Variants in SEC22A observed in about 807,000 individuals in gnomAD.
SEC22A encodes SEC22 homolog A, vesicle trafficking protein.
Under a neutral mutation model 35.3 loss-of-function variants are expected in SEC22A, and 22 were observed. The ratio of observed to expected loss-of-function variants is 0.62; its 90% CI spans 0.45 to 0.89. The LOEUF (loss-of-function observed/expected upper bound fraction) is 0.89, where lower values mean the gene tolerates loss of function less well. SEC22A is among the 40% of genes least tolerant of loss of function. The pLI is 0.00. For synonymous variants in SEC22A, 119 were observed against 129.5 expected, an observed-to-expected ratio of 0.92 and a Z score of 0.55; for missense variants, 354 against 362.5, an observed-to-expected ratio of 0.98 and a Z score of 0.19.
At chr3:123,209,046 G>T in intron 1 of SEC22A, 153 bp from the exon 2 acceptor site, 1 of 555,172 alleles carries the variant, frequency 1.8e-6, no homozygotes, top group Non-Finnish European at 3.2e-6. Flanking sequence ...ACCCTCCTCA[G>T]CCACCCAAAG....
intron 4 of SEC22A, among the ~76,000 whole-genome samples, chr3:123,245,049 G>A (rs1054415742): frequency 5.9e-5 from 9 of 152,106 alleles, no homozygotes; most frequent in African/African-American, 2.2e-4. Context: ...TTATTCAGAG[G>A]ACCAGGAACT....
chr3:123,242,078 G>T (rs1294613282), intron 4 of SEC22A, among the ~76,000 whole-genome samples: 2 of 151,812 alleles, frequency 1.3e-5, no homozygotes, highest in Non-Finnish European at 2.9e-5. Flanking sequence ...TCTTCTTGAT[G>T]GTCTCTCCTT....
chr3:123,258,286 A>G (rs1473325217), intron 5 of SEC22A, among the ~76,000 whole-genome samples: 1 of 152,146 alleles, frequency 6.6e-6, no homozygotes, highest in Non-Finnish European at 1.5e-5. Flanking sequence ...AATACATGAA[A>G]GGGTTGGCAG....
intron 4 of SEC22A, among the ~76,000 whole-genome samples, chr3:123,241,945 T>C (rs1328662729): frequency 7.1e-6 from 1 of 139,884 alleles, no homozygotes; most frequent in Non-Finnish European, 1.5e-5. Context: ...CAACCACTTT[T>C]CTGGAAAAAA....
chr3:123,216,169 A>T (rs971891315), intron 2 of SEC22A, among the ~76,000 whole-genome samples: 4 of 152,212 alleles, frequency 2.6e-5, no homozygotes, highest in African/African-American at 7.2e-5. Context: ...TTACTGTTAT[A>T]GTACAGTTTC....
Position 123,259,521 on chromosome 3 carries a change from C to T in SEC22A, c.658-3C>T, listed in dbSNP as rs1330712167. The stretch of plus-strand genomic sequence containing the variant: ...AAAATAATCTTTTATTTTGCTTTTG[C>T]AGAGTGATGGTGATGATTTTAATTA... On this transcript the variant is annotated splice_region_variant and splice_polypyrimidine_tract_variant and intron_variant, in intron 5 of 6. Transcript: ENST00000492595. The T allele has an allele frequency of 1.2e-6, 2 of 1,608,820 alleles. No individual in the cohort carries two copies. The highest frequency in any genetic ancestry group is 4.5e-5 in the East Asian group (2 of 44,812).
At position 123,263,993 on chromosome 3, in the gene SEC22A, C is replaced by G. The variant is rs948813531; in HGVS notation, c.723+4404C>G. On this transcript the variant is annotated intron_variant, in intron 6 of 6. Transcript: ENST00000492595. ...TGGAGTGCAGTGATGCCATCACAGC[C>G]TCACCGCAGCTTTGAACTGGGCTCA... Among the ~76,000 whole-genome samples the G allele has an allele frequency of 2.1e-4, 32 of 151,888 alleles. 1 individual carries two copies. Among genetic ancestry groups the G allele is most frequent in the African/African-American group, 7.7e-4 (32 of 41,386 alleles).
At chr3:123,205,457 C>T (rs1054635270) in intron 1 of SEC22A, among the ~76,000 whole-genome samples, 2 of 152,112 alleles carry the variant, frequency 1.3e-5, no homozygotes, top group South Asian at 4.2e-4. Context: ...GTGAGGCCGA[C>T]GCAGGTGGAT....
chr3:123,230,699 C>CAAA (rs376679473), intron 4 of SEC22A, among the ~76,000 whole-genome samples: 504 of 47,310 alleles, frequency 0.011, 22 homozygotes, highest in African/African-American at 0.037. Context: ...TCACTTCATG[C>CAAA]AAAAAAAAAA....
intron 6 of SEC22A, among the ~76,000 whole-genome samples, chr3:123,261,905 T>C (rs567109648): frequency 6.6e-6 from 1 of 152,244 alleles, no homozygotes; most frequent in East Asian, 1.9e-4. Flanking sequence ...GTTCTGAGAG[T>C]TGCTTCGTGG....
At chr3:123,244,631 T>G (rs1350382608) in intron 4 of SEC22A, among the ~76,000 whole-genome samples, 3 of 152,210 alleles carry the variant, frequency 2.0e-5, no homozygotes, top group Non-Finnish European at 2.9e-5. Flanking sequence ...GAATAAATAC[T>G]TTTTTGTGAT....
chr3:123,211,281 A>G (rs1221875152), intron 2 of SEC22A, among the ~76,000 whole-genome samples: 1 of 152,162 alleles, frequency 6.6e-6, no homozygotes, highest in Non-Finnish European at 1.5e-5. Context: ...AAGTTGGATC[A>G]CTTCAAAAGA....
In SEC22A at chr3:123,269,215, G is replaced by A. The variant is rs59253175; in HGVS notation, c.724-2307G>A. 5.9e-3 allele frequency among the ~76,000 whole-genome samples: 811 copies of A among 136,868 alleles called. 9 individuals carry two copies. The highest frequency in any genetic ancestry group is 0.012 in the Admixed American group (165 of 13,564). The allele number at this position is 136,868 out of a possible 152,430, so 89.8% of individuals were successfully genotyped here. A position where few individuals can be genotyped will look rare whatever the true frequency, so the allele number is the denominator to read the frequency against. On this transcript the variant is annotated intron_variant, in intron 6 of 6. Transcript: ENST00000492595. ...TGTGTGTGTGTGTGTGTGTGTGTGT[G>A]TATATATTACTGGAAATGCTAGCTC...
intron 4 of SEC22A, among the ~76,000 whole-genome samples, chr3:123,230,475 T>TCAAACA (rs1937301269): frequency 6.6e-6 from 1 of 151,874 alleles, no homozygotes; most frequent in Non-Finnish European, 1.5e-5. Context: ...AACAATGCAT[T>TCAAACA]ATGGAGTTTG....
At chr3:123,219,308 G>T (rs970537098) in intron 2 of SEC22A, among the ~76,000 whole-genome samples, 1 of 152,148 alleles carries the variant, frequency 6.6e-6, no homozygotes, top group Non-Finnish European at 1.5e-5. Context: ...TGTAATACAG[G>T]TTCCAAAACT....
At chr3:123,232,098 AGCATGGTG>A (rs1937335325) in intron 4 of SEC22A, among the ~76,000 whole-genome samples, 1 of 152,032 alleles carries the variant, frequency 6.6e-6, no homozygotes, top group African/African-American at 2.4e-5. Flanking sequence ...AAATTAGCTG[AGCATGGTG>A]GCACGTGCCT....
At chr3:123,233,941 A>G (rs1937370595) in intron 4 of SEC22A, among the ~76,000 whole-genome samples, 2 of 152,240 alleles carry the variant, frequency 1.3e-5, no homozygotes, top group Non-Finnish European at 2.9e-5. Context: ...GTAATCTTTT[A>G]TATAGAACAT....
intron 1 of SEC22A, among the ~76,000 whole-genome samples, chr3:123,207,895 A>G (rs1354102532): frequency 6.6e-6 from 1 of 152,206 alleles, no homozygotes; most frequent in Non-Finnish European, 1.5e-5. Flanking sequence ...ATTAAAACCA[A>G]TATTCCTTTA....
chr3:123,270,485 GTTCCT>G (rs1191929373), intron 6 of SEC22A, among the ~76,000 whole-genome samples: 15 of 152,146 alleles, frequency 9.9e-5, no homozygotes, highest in African/African-American at 3.6e-4. Flanking sequence ...AGACTTTGTG[GTTCCT>G]ATACTTACCA....
Sources: allele counts gnomAD v4.1 joint callset (sites outside exome capture counted in the v4.1 genomes callset), GRCh38; gene constraint gnomAD v4.1.1; transcripts MANE v1.5; gene names NCBI Gene and HGNC (gene_info 2026-07-23, HGNC 2026-07-21).